PCDH7: variants seen among roughly 807,000 people sequenced by gnomAD.
PCDH7 encodes protocadherin 7.
PCDH7 carries 17 observed loss-of-function variants against 58.9 expected under a neutral mutation model. That is an observed-to-expected ratio of 0.29 (90% CI 0.20 to 0.43). PCDH7 has a LOEUF of 0.43. Ranked by LOEUF, PCDH7 falls within the 20% of genes least tolerant of loss-of-function variation. The probability of loss-of-function intolerance (pLI) is 1.00; values close to 1 mark genes in which losing one functional copy is unlikely to be tolerated. For missense variants in PCDH7, 1,274 were observed against 1,441.0 expected (o/e 0.88, Z 1.88); for synonymous variants, 664 against 616.4 (o/e 1.08, Z -1.14).
intron 3 of PCDH7, among the ~76,000 whole-genome samples, chr4:31,036,669 A>C (rs889572994): frequency 2.0e-5 from 3 of 152,210 alleles, no homozygotes; most frequent in African/African-American, 7.2e-5. Flanking sequence ...TGTGCAAAAC[A>C]CTATACTGCA....
chr4:30,721,436 G>C lies in PCDH7; in HGVS notation c.14G>C (p.Arg5Pro), dbSNP rs1425508508. The change falls in exon 1 of 2, where the codon CGG becomes CCG. Residue 5 changes from arginine (R) to proline (P), a missense_variant. Physicochemically the swap from Arg to Pro is moderately radical, Grantham distance 103. Around this residue, in one of 3 missense-constraint regions of PCDH7, gnomAD observed 212 missense variants for 255.8 expected, o/e 0.83. Coordinates refer to ENST00000361762, the Ensembl canonical transcript of PCDH7. The surrounding 1 kb of genome is among the most constrained non-coding windows in gnomAD (Gnocchi z 6.7). ...CAGCAGGAGAAGATGCTGAGGATGC[G>C]GACCGCGGGATGGGCGCGCGGCTGG... is the stretch of plus-strand genomic sequence containing the variant. 2 of 1,521,488 alleles carry C rather than the reference G, an allele frequency of 1.3e-6. No individual in the cohort carries two copies. The highest frequency in any genetic ancestry group is 1.8e-6 in the Non-Finnish European group (2 of 1,137,478). The allele number at this position is 1,521,488 out of a possible 1,614,324, so 94.2% of individuals were successfully genotyped here.
chr4:31,094,519 G>A (rs1294371375), intron 3 of PCDH7, among the ~76,000 whole-genome samples: 1 of 152,112 alleles, frequency 6.6e-6, no homozygotes, highest in African/African-American at 2.4e-5. Context: ...GAATGTTTTA[G>A]TTTATACTGC....
At chr4:31,146,744 ATAAAT>A (rs1374109736), downstream of PCDH7, 2 of 152,172 alleles carry the variant, frequency 1.3e-5, no homozygotes, top group Admixed American at 6.5e-5. Context: ...TTTTATGTAA[ATAAAT>A]TGCTTGTCAT....
intron 2 of PCDH7, among the ~76,000 whole-genome samples, chr4:30,941,875 A>G (rs961246472): frequency 6.6e-6 from 1 of 151,998 alleles, no homozygotes. Flanking sequence ...CTCAGTATTT[A>G]CAAGGTCAGG....
intron 1 of PCDH7, among the ~76,000 whole-genome samples, chr4:30,918,387 A>G (rs1742752505): frequency 6.6e-6 from 1 of 152,084 alleles, no homozygotes; most frequent in Non-Finnish European, 1.5e-5. Context: ...CACAGGTAAA[A>G]ATGAGAGTAC....
At chr4:31,082,307 C>T (rs1234922024) in intron 3 of PCDH7, among the ~76,000 whole-genome samples, 1 of 152,114 alleles carries the variant, frequency 6.6e-6, no homozygotes, top group African/African-American at 2.4e-5. Flanking sequence ...AACCTTAAGA[C>T]TAGTGTAAGG....
At chr4:30,763,305 TATTG>T (rs1365686142) in intron 1 of PCDH7, among the ~76,000 whole-genome samples, 2 of 152,256 alleles carry the variant, frequency 1.3e-5, no homozygotes, top group African/African-American at 4.8e-5. Context: ...TCTGACTGTA[TATTG>T]ATTAGTCAAT....
At chr4:30,892,028 G>C (rs977068691) in intron 1 of PCDH7, among the ~76,000 whole-genome samples, 1 of 151,748 alleles carries the variant, frequency 6.6e-6, no homozygotes, top group Admixed American at 6.6e-5. Context: ...CTTGTATATA[G>C]ATAAAAAGCC....
At chr4:30,921,188 T>C (rs1206608734) in intron 2 of PCDH7, among the ~76,000 whole-genome samples, 1 of 152,142 alleles carries the variant, frequency 6.6e-6, no homozygotes, top group Admixed American at 6.6e-5. Context: ...TAGGTTTGTG[T>C]CAAATAATGG....
chr4:30,810,270 C>T (rs1190157687), intron 1 of PCDH7, among the ~76,000 whole-genome samples: 1 of 152,032 alleles, frequency 6.6e-6, no homozygotes, highest in African/African-American at 2.4e-5. Context: ...ATGTCTGCTA[C>T]AATATCCATA....
intron 3 of PCDH7, among the ~76,000 whole-genome samples, chr4:31,094,943 T>C (rs1015048980): frequency 1.4e-4 from 21 of 152,160 alleles, no homozygotes; most frequent in African/African-American, 5.1e-4. Context: ...GACAAGGTTC[T>C]TCGGTTTAAA....
Position 30,722,149 on chromosome 4 carries a change from G to T in PCDH7, c.727G>T (p.Val243Leu), listed in dbSNP as rs757838483. Residue 243 changes from valine to leucine, a missense_variant, in exon 1 of 2, where the codon GTG (valine) becomes TTG (leucine). Physicochemically the swap from Val to Leu is conservative, Grantham distance 32. Transcript: ENST00000361762. The surrounding 1 kb of genome is among the most constrained non-coding windows in gnomAD (Gnocchi z 7.6). Reference sequence around the variant, plus strand: ...CACCAACCCCGGCGGCCGCAGCAGCGTGTTCGAGCTGCAGGTGGCGGACAC... The same window carrying T: ...CACCAACCCCGGCGGCCGCAGCAGCTTGTTCGAGCTGCAGGTGGCGGACAC... The T allele has an allele frequency of 1.3e-6, 2 of 1,493,418 alleles. No homozygotes were observed. Among genetic ancestry groups the T allele is most frequent in the South Asian group, 2.6e-5 (2 of 76,614 alleles). 92.5% of individuals were successfully genotyped at this position (1,493,418 alleles called of 1,614,324 possible).
chr4:31,048,702 G>A (rs937783179), intron 3 of PCDH7, among the ~76,000 whole-genome samples: 6 of 151,400 alleles, frequency 4.0e-5, no homozygotes, highest in African/African-American at 1.2e-4. Context: ...CATCCCACTA[G>A]TACTGTTGAA....
At chr4:30,845,254 AG>A (rs1352746095) in intron 1 of PCDH7, among the ~76,000 whole-genome samples, 1 of 152,116 alleles carries the variant, frequency 6.6e-6, no homozygotes, top group Non-Finnish European at 1.5e-5. Flanking sequence ...TTTTAACAGG[AG>A]GTTTTAGCCT....
At chr4:31,119,115 A>G (rs1441063096) in intron 3 of PCDH7, among the ~76,000 whole-genome samples, 2 of 152,066 alleles carry the variant, frequency 1.3e-5, no homozygotes, top group Non-Finnish European at 2.9e-5. Context: ...GATTCATTTC[A>G]TAAGGCTTTT....
intron 1 of PCDH7, among the ~76,000 whole-genome samples, chr4:30,754,966 T>G (rs951485934): frequency 1.3e-5 from 2 of 152,174 alleles, no homozygotes; most frequent in Admixed American, 1.3e-4. Context: ...ATTATGCCAT[T>G]TCATCCTTAT....
At chr4:30,780,314 T>C (rs1722611186) in intron 1 of PCDH7, among the ~76,000 whole-genome samples, 1 of 152,066 alleles carries the variant, frequency 6.6e-6, no homozygotes, top group African/African-American at 2.4e-5. Context: ...AAGACCAGCC[T>C]GGTCAACATG....
intron 1 of PCDH7, among the ~76,000 whole-genome samples, chr4:30,860,329 A>G (rs1328875166): frequency 6.6e-6 from 1 of 152,140 alleles, no homozygotes; most frequent in African/African-American, 2.4e-5. Context: ...GTCAAAAAAG[A>G]CACCACTGAA....
At chr4:30,899,997 T>C (rs1334511253) in intron 1 of PCDH7, among the ~76,000 whole-genome samples, 1 of 152,198 alleles carries the variant, frequency 6.6e-6, no homozygotes, top group Non-Finnish European at 1.5e-5. Flanking sequence ...CAAAACTTGG[T>C]GTGCATCATG....
Sources: allele counts gnomAD v4.1 joint callset (sites outside exome capture counted in the v4.1 genomes callset), GRCh38; gene constraint gnomAD v4.1.1; regional missense constraint gnomAD v4.1.1; non-coding constraint Gnocchi (gnomAD v3.1); transcripts MANE v1.5; gene names NCBI Gene and HGNC (gene_info 2026-07-23, HGNC 2026-07-21).